Variants in SRRM3 observed in about 807,000 individuals in gnomAD.
SRRM3 encodes the protein serine/arginine repetitive matrix 3.
A neutral mutation model predicts 66.2 loss-of-function variants in SRRM3; 27 were observed. The observed-to-expected ratio is 0.41, with a 90% CI of 0.30 to 0.56. The LOEUF (loss-of-function observed/expected upper bound fraction) is 0.56, where lower values mean the gene tolerates loss of function less well. Ranked by LOEUF, SRRM3 falls within the 20% of genes least tolerant of loss-of-function variation. The probability of loss-of-function intolerance (pLI) is 0.32; values close to 1 mark genes in which losing one functional copy is unlikely to be tolerated. For missense variants in SRRM3, 918 were observed against 991.9 expected, an observed-to-expected ratio of 0.93 and a Z score of 1.00; for synonymous variants, 391 against 414.9, an observed-to-expected ratio of 0.94 and a Z score of 0.70.
intron 11 of SRRM3, chr7:76,268,381 C>T (rs1182053406): frequency 2.4e-5 from 2 of 85,006 alleles, no homozygotes; most frequent in Non-Finnish European, 4.6e-5. Context: ...CTGGCAGGGG[C>T]ACTGGGGTGG....
intron 2 of SRRM3, among the ~76,000 whole-genome samples, chr7:76,239,777 T>A (rs1801236961): frequency 6.6e-6 from 1 of 152,200 alleles, no homozygotes; most frequent in Non-Finnish European, 1.5e-5. Flanking sequence ...TAGGAATTCA[T>A]GCCTGTAATC....
At chr7:76,228,999 C>T (rs1000159894) in intron 1 of SRRM3, among the ~76,000 whole-genome samples, 8 of 151,060 alleles carry the variant, frequency 5.3e-5, no homozygotes, top group South Asian at 2.1e-4. Flanking sequence ...CCTGGGTTCA[C>T]GCCATTCTCC....
At chr7:76,251,693 G>A (rs532972230) in intron 3 of SRRM3, among the ~76,000 whole-genome samples, 3 of 152,084 alleles carry the variant, frequency 2.0e-5, no homozygotes, top group Non-Finnish European at 4.4e-5. Flanking sequence ...ACTTTGGAAG[G>A]CTGAGGTGGG....
chr7:76,278,369 C>A (rs1254032160), intron 11 of SRRM3, among the ~76,000 whole-genome samples: 3 of 152,140 alleles, frequency 2.0e-5, no homozygotes, highest in Non-Finnish European at 2.9e-5. Context: ...CACCTGTAAT[C>A]CCAGCTACTT....
chr7:76,281,553 G>T lies in SRRM3; in HGVS notation c.1121G>T (p.Gly374Val). ...PSPRSAPSSQGRGGRAAGGAG... is the reference protein window; with the variant it reads ...PSPRSAPSSQVRGGRAAGGAG... The stretch of plus-strand genomic sequence containing the variant: ...CCGCGCTCGGCGCCGTCGTCCCAAG[G>T]TCGCGGAGGCCGCGCGGCGGGCGGG... The change falls in exon 12 of 15, where the codon GGT becomes GTT. Residue 374 changes from glycine to valine, a missense_variant. By Grantham distance (109) the Gly-to-Val change is moderately radical. Transcript: ENST00000611745. 9.1e-7 allele frequency: 1 copy of T among 1,095,860 alleles called. No homozygotes were observed. The highest frequency in any genetic ancestry group is 5.3e-5 in the Admixed American group (1 of 18,784). The allele number at this position is 1,095,860 out of a possible 1,614,324, so 67.9% of individuals were successfully genotyped here.
chr7:76,258,140 GC>G (rs1801758407), intron 3 of SRRM3, among the ~76,000 whole-genome samples: 1 of 152,170 alleles, frequency 6.6e-6, no homozygotes, highest in Non-Finnish European at 1.5e-5. Context: ...AGTATTGGAG[GC>G]CCCCACCCTC....
chr7:76,209,845 A>G (rs1158126664), intron 1 of SRRM3, among the ~76,000 whole-genome samples: 1 of 151,988 alleles, frequency 6.6e-6, no homozygotes, highest in Non-Finnish European at 1.5e-5. Flanking sequence ...GCCTCAAGCA[A>G]TCCTCCCATC....
chr7:76,259,866 T>C (rs6950229), intron 3 of SRRM3, 40 bp from the exon 4 acceptor site: 375,368 of 1,597,662 alleles, frequency 0.23, 46,021 homozygotes, highest in East Asian at 0.46. Flanking sequence ...TGAAGAAAAG[T>C]CGTCCCGAGA....
chr7:76,204,083 C>T (rs1800231515), intron 1 of SRRM3, among the ~76,000 whole-genome samples: 1 of 152,174 alleles, frequency 6.6e-6, no homozygotes, highest in Non-Finnish European at 1.5e-5. Context: ...GCCTCCCAAC[C>T]TCTTGCTGAC....
chr7:76,258,206 G>C (rs554005890), intron 3 of SRRM3, among the ~76,000 whole-genome samples: 2 of 152,156 alleles, frequency 1.3e-5, no homozygotes, highest in East Asian at 1.9e-4. Context: ...GAGCAGGGGG[G>C]GCCCCTGGAG....
intron 11 of SRRM3, 26 bp downstream of exon 11, chr7:76,267,461 G>A: frequency 1.5e-6 from 2 of 1,326,742 alleles, no homozygotes; most frequent in Non-Finnish European, 1.9e-6. Context: ...TTTGCGGAGG[G>A]TTCCCGCGCC....
chr7:76,272,817 A>T (rs55969448), intron 11 of SRRM3, among the ~76,000 whole-genome samples: 8,865 of 152,052 alleles, frequency 0.058, 663 homozygotes, highest in African/African-American at 0.18. Context: ...GCCTCGGGTG[A>T]CCCCCAAGAA....
chr7:76,235,151 T>C lies in SRRM3; in HGVS notation c.85T>C (p.Ser29Pro). The C allele has an allele frequency of 1.3e-6, 2 of 1,560,570 alleles. No individual in the cohort carries two copies. Among genetic ancestry groups the C allele is most frequent in the Non-Finnish European group, 1.7e-6 (2 of 1,160,976 alleles). ...ANGFPQPSSS[S>P]GTWPRAEEEL... ...CGGCTTCCCGCAGCCCAGCTCCTCC[T>C]CGGGGACCTGGCCGCGGGCGGAAGA... Residue 29 changes from serine to proline, a missense_variant, in exon 2 of 15, where the codon TCG becomes CCG. Physicochemically the swap from Ser to Pro is moderately conservative, Grantham distance 74 (BLOSUM62 -1). Coordinates refer to ENST00000611745, the MANE Select transcript of SRRM3 (RefSeq NM_001110199.3).
chr7:76,230,752 C>T (rs201336505), intron 1 of SRRM3, among the ~76,000 whole-genome samples: 1 of 83,668 alleles, frequency 1.2e-5, no homozygotes, highest in African/African-American at 6.0e-5. Flanking sequence ...CTTTTACTTA[C>T]TTTTTTTTTT....
At chr7:76,254,853 A>C (rs1554607450) in intron 3 of SRRM3, among the ~76,000 whole-genome samples, 1 of 152,176 alleles carries the variant, frequency 6.6e-6, no homozygotes, top group East Asian at 1.9e-4. Context: ...GGACAAGGAC[A>C]GGAGGCAGGA....
intron 3 of SRRM3, among the ~76,000 whole-genome samples, chr7:76,257,061 T>G (rs1270858160): frequency 1.3e-5 from 2 of 152,150 alleles, no homozygotes; most frequent in African/African-American, 4.8e-5. Context: ...CTTTATGACC[T>G]GTATTTTGTG....
intron 1 of SRRM3, among the ~76,000 whole-genome samples, chr7:76,207,771 G>A (rs1340070199): frequency 6.6e-6 from 1 of 152,184 alleles, no homozygotes; most frequent in East Asian, 1.9e-4. Context: ...CAGCTACTCA[G>A]GAGGCTGAGG....
chr7:76,227,001 G>A (rs187964018), intron 1 of SRRM3, among the ~76,000 whole-genome samples: 2 of 152,316 alleles, frequency 1.3e-5, no homozygotes, highest in East Asian at 1.9e-4. Flanking sequence ...GAGAGGGGAA[G>A]GGACTTGTTC....
At chr7:76,241,326 C>T (rs1554605604) in intron 2 of SRRM3, among the ~76,000 whole-genome samples, 7 of 152,186 alleles carry the variant, frequency 4.6e-5, no homozygotes, top group Non-Finnish European at 1.5e-5. Flanking sequence ...CCCTTTATCC[C>T]AGCCTTTGCC....
Sources: gnomAD v4.1 joint callset for allele counts (sites outside exome capture counted in the v4.1 genomes callset) on GRCh38, gnomAD v4.1.1 for gene constraint, MANE v1.5 for transcripts, NCBI Gene and HGNC (gene_info 2026-07-23, HGNC 2026-07-21) for gene names.